BLTP1: variants seen among roughly 807,000 people sequenced by gnomAD.
BLTP1 encodes bridge-like lipid transfer protein family member 1, also known as fragile site-associated protein.
chr4:122,242,425 T>A, the BLTP1 span, among the ~76,000 whole-genome samples: 1 of 152,292 alleles, frequency 6.6e-6, no homozygotes, highest in East Asian at 1.9e-4. Context: ...AGCAAGCTCT[T>A]ACAGATGTAG....
At chr4:122,275,691 C>T in the BLTP1 span, among the ~76,000 whole-genome samples, 1 of 151,848 alleles carries the variant, frequency 6.6e-6, no homozygotes, top group Non-Finnish European at 1.5e-5. Context: ...GCTCTTTTTT[C>T]CCCCAAGTAA....
the BLTP1 span, chr4:122,313,588 AT>A: frequency 1.3e-6 from 2 of 1,533,596 alleles, no homozygotes; most frequent in Non-Finnish European, 1.8e-6. Context: ...TCACAAATGT[AT>A]TTTTATTGAA....
chr4:122,180,726 T>C, the BLTP1 span, among the ~76,000 whole-genome samples: 1 of 152,236 alleles, frequency 6.6e-6, no homozygotes, highest in Non-Finnish European at 1.5e-5. Flanking sequence ...ATGCTATTTG[T>C]AGTAAAAAAG....
At chr4:122,309,356 G>A in the BLTP1 span, 1 of 1,613,512 alleles carries the variant, frequency 6.2e-7, no homozygotes, top group South Asian at 1.1e-5. Flanking sequence ...AGAGTCTCTG[G>A]TTAGCAAAGG....
chr4:122,269,154 A>G, the BLTP1 span: 160 of 671,698 alleles, frequency 2.4e-4, 4 homozygotes, highest in East Asian at 3.4e-3. Context: ...TCATACAAAT[A>G]TATCCATTTA....
At chr4:122,325,892 G>C in the BLTP1 span, 45 of 1,176,820 alleles carry the variant, frequency 3.8e-5, no homozygotes, top group South Asian at 5.2e-4. Flanking sequence ...CCACAATCCA[G>C]CTGTCCTGGG....
chr4:122,255,677 T>A, the BLTP1 span, among the ~76,000 whole-genome samples: 1 of 152,040 alleles, frequency 6.6e-6, no homozygotes, highest in Non-Finnish European at 1.5e-5. Flanking sequence ...AATACAAGTC[T>A]ATAGACAAAG....
the BLTP1 span, chr4:122,275,875 C>T: frequency 7.7e-7 from 1 of 1,291,904 alleles, no homozygotes; most frequent in Non-Finnish European, 1.0e-6. Flanking sequence ...ATTAGAAAAG[C>T]TTTCCAGATG....
chr4:122,273,144 C>T, the BLTP1 span: 1 of 833,540 alleles, frequency 1.2e-6, no homozygotes, highest in Non-Finnish European at 1.4e-6. Context: ...GATTATATTA[C>T]ATGAGAAAAG....
At chr4:122,169,378 A>G in the BLTP1 span, among the ~76,000 whole-genome samples, 1 of 152,212 alleles carries the variant, frequency 6.6e-6, no homozygotes, top group Non-Finnish European at 1.5e-5. Flanking sequence ...TCTTTACTGC[A>G]GAAAAAATTT....
At chr4:122,218,184 A>G in the BLTP1 span, among the ~76,000 whole-genome samples, 1 of 151,662 alleles carries the variant, frequency 6.6e-6, no homozygotes, top group African/African-American at 2.4e-5. Flanking sequence ...TTATCTCTTC[A>G]AGTTTTTAAT....
the BLTP1 span, chr4:122,281,313 C>A: frequency 1.0e-6 from 1 of 976,730 alleles, no homozygotes; most frequent in Non-Finnish European, 1.2e-6. Context: ...CACAGTATAA[C>A]ATTCTAAGAG....
At chr4:122,209,051 C>A in the BLTP1 span, 134 of 1,082,322 alleles carry the variant, frequency 1.2e-4, no homozygotes, top group East Asian at 4.5e-4. Context: ...TGTTAATTTT[C>A]TTTCAAACTT....
chr4:122,336,176 T>C, the BLTP1 span: 1 of 1,551,514 alleles, frequency 6.4e-7, no homozygotes, highest in Non-Finnish European at 8.7e-7. Context: ...TTAAATGGAA[T>C]TTATAAATGT....
chr4:122,319,879 TG>T, the BLTP1 span, among the ~76,000 whole-genome samples: 1 of 152,082 alleles, frequency 6.6e-6, no homozygotes, highest in African/African-American at 2.4e-5. Context: ...TTATGCTTTT[TG>T]GTCCAGAATG....
At chr4:122,339,324 A>G in the BLTP1 span, 3 of 1,613,562 alleles carry the variant, frequency 1.9e-6, no homozygotes, top group African/African-American at 4.0e-5. Flanking sequence ...TTTAGGGACT[A>G]CATATCCTGC....
At chr4:122,234,912 A>G in the BLTP1 span, 3 of 1,613,568 alleles carry the variant, frequency 1.9e-6, no homozygotes, top group East Asian at 2.2e-5. Flanking sequence ...GACACCTTCC[A>G]GTAGCTCTGC....
the BLTP1 span, chr4:122,172,941 C>T: frequency 6.3e-7 from 1 of 1,579,268 alleles, no homozygotes. Context: ...GTATAATCAA[C>T]CTCTGGTTTT....
the BLTP1 span, among the ~76,000 whole-genome samples, chr4:122,180,565 C>T: frequency 3.1e-3 from 476 of 152,228 alleles, 5 homozygotes; most frequent in East Asian, 0.032. Flanking sequence ...AGATTGGAAC[C>T]CAGATACTAA....
Sources: allele counts gnomAD v4.1 joint callset (sites outside exome capture counted in the v4.1 genomes callset), GRCh38; gene constraint gnomAD v4.1.1; transcripts MANE v1.5; gene names NCBI Gene and HGNC (gene_info 2026-07-23, HGNC 2026-07-21).